The following FOXP1 variants were observed in gnomAD, a reference collection of about 807,000 sequenced individuals.
FOXP1 encodes the protein forkhead box P1.
FOXP1 carries 15 observed loss-of-function variants against 98.2 expected under a neutral mutation model. The ratio of observed to expected loss-of-function variants is 0.15; its 90% confidence interval spans 0.10 to 0.24. FOXP1 has a LOEUF of 0.24. Ranked by LOEUF, FOXP1 falls within the 10% of genes least tolerant of loss-of-function variation. The pLI, the probability that FOXP1 is intolerant of heterozygous loss-of-function variation, is 1.00. For synonymous variants in FOXP1, 371 were observed against 314.5 expected (o/e 1.18, Z -1.90); for missense variants, 633 against 848.5 (o/e 0.75, Z 3.15).
chr3:71,046,839 A>C (rs2106969890), intron 10 of FOXP1, 103 bp downstream of exon 10: 1 of 1,305,110 alleles, frequency 7.7e-7, no homozygotes, highest in East Asian at 2.3e-5. Context: ...ATCTATGTGC[A>C]TGTTTTGATG....
chr3:71,009,349 G>C (rs1025933651), intron 12 of FOXP1, among the ~76,000 whole-genome samples: 1 of 152,000 alleles, frequency 6.6e-6, no homozygotes, highest in African/African-American at 2.4e-5. Context: ...AGCCATACTC[G>C]TTCCTTGTTC....
At chr3:71,519,078 T>C (rs1290096615) in intron 2 of FOXP1, among the ~76,000 whole-genome samples, 1 of 152,184 alleles carries the variant, frequency 6.6e-6, no homozygotes, top group African/African-American at 2.4e-5. Context: ...AAACCCCATC[T>C]CTACTAAAAA....
intron 3 of FOXP1, among the ~76,000 whole-genome samples, chr3:71,452,110 C>T (rs997283536): frequency 2.6e-5 from 4 of 152,062 alleles, no homozygotes; most frequent in African/African-American, 4.8e-5. Flanking sequence ...TATTTACTGG[C>T]GACGTCTCTA....
At chr3:71,057,450 A>C (rs2107205455) in intron 7 of FOXP1, among the ~76,000 whole-genome samples, 1 of 149,188 alleles carries the variant, frequency 6.7e-6, no homozygotes, top group Non-Finnish European at 1.5e-5. Flanking sequence ...CTTTCTCAAA[A>C]GACGATTTAA....
chr3:71,320,506 C>T (rs1197374459), intron 4 of FOXP1, among the ~76,000 whole-genome samples: 1 of 152,062 alleles, frequency 6.6e-6, no homozygotes, highest in Non-Finnish European at 1.5e-5. Flanking sequence ...ATAACTCAGG[C>T]ACAAATACCA....
At chr3:71,559,075 C>G (rs2046357873) in intron 2 of FOXP1, among the ~76,000 whole-genome samples, 1 of 152,202 alleles carries the variant, frequency 6.6e-6, no homozygotes, top group South Asian at 2.1e-4. Flanking sequence ...AAGTGCCATT[C>G]TCACTCTTAA....
At chr3:71,385,426 T>G (rs2080494693) in intron 3 of FOXP1, among the ~76,000 whole-genome samples, 1 of 152,176 alleles carries the variant, frequency 6.6e-6, no homozygotes, top group African/African-American at 2.4e-5. Flanking sequence ...TAAACCCCAT[T>G]TTCCCTCTAC....
intron 3 of FOXP1, among the ~76,000 whole-genome samples, chr3:71,420,867 C>T (rs897930149): frequency 1.3e-5 from 2 of 152,016 alleles, no homozygotes; most frequent in Non-Finnish European, 2.9e-5. Context: ...CCACCATGCC[C>T]GGCTAATTTT....
At chr3:71,242,648 C>T (rs2067381794) in intron 5 of FOXP1, among the ~76,000 whole-genome samples, 2 of 151,964 alleles carry the variant, frequency 1.3e-5, no homozygotes, top group Admixed American at 6.6e-5. Context: ...AAAAGCTTTC[C>T]GCCTAAGATT....
intron 3 of FOXP1, among the ~76,000 whole-genome samples, chr3:71,485,146 G>A (rs888042071): frequency 6.6e-6 from 1 of 152,152 alleles, no homozygotes; most frequent in Admixed American, 6.5e-5. Context: ...GGGCCAGCAG[G>A]TGTTGGGTAG....
intron 4 of FOXP1, among the ~76,000 whole-genome samples, chr3:71,311,297 C>G (rs2074666016): frequency 6.6e-6 from 1 of 152,142 alleles, no homozygotes; most frequent in African/African-American, 2.4e-5. Context: ...ACTATGTTGC[C>G]CAGGCTGGTG....
At chr3:71,132,981 T>TA (rs5849991) in intron 6 of FOXP1, among the ~76,000 whole-genome samples, 120,535 of 147,586 alleles carry the variant, frequency 0.82, 51,884 homozygotes, top group South Asian at 0.97. Flanking sequence ...TCTCTAACCA[T>TA]AAAAAAAAAA....
chr3:71,519,542 T>A (rs1282003514), intron 2 of FOXP1, among the ~76,000 whole-genome samples: 7 of 152,314 alleles, frequency 4.6e-5, no homozygotes, highest in Admixed American at 4.6e-4. Context: ...AGGCCCCATC[T>A]CTACTCACCC....
chr3:71,066,360 C>T (rs1338930139), intron 7 of FOXP1, among the ~76,000 whole-genome samples: 1 of 152,226 alleles, frequency 6.6e-6, no homozygotes, highest in African/African-American at 2.4e-5. Flanking sequence ...GCGCAGATCG[C>T]TCTTCACCCT....
intron 5 of FOXP1, among the ~76,000 whole-genome samples, chr3:71,226,547 G>GTT (rs1270544531): frequency 8.3e-6 from 1 of 120,458 alleles, no homozygotes; most frequent in African/African-American, 2.6e-5. Context: ...GCTTCCCGGG[G>GTT]TTCTCTCTCT....
chr3:71,524,335 C>T (rs1027439918), intron 2 of FOXP1, among the ~76,000 whole-genome samples: 4 of 151,854 alleles, frequency 2.6e-5, no homozygotes, highest in African/African-American at 7.3e-5. Flanking sequence ...TGCACTCCAA[C>T]GTGGGTGCCA....
intron 5 of FOXP1, among the ~76,000 whole-genome samples, chr3:71,268,198 C>A (rs2069927737): frequency 6.8e-6 from 1 of 147,854 alleles, no homozygotes; most frequent in Non-Finnish European, 1.5e-5. Context: ...TCACGCCATT[C>A]TCCTGCCTCA....
intron 7 of FOXP1, among the ~76,000 whole-genome samples, chr3:71,091,180 C>T (rs2055797104): frequency 6.9e-6 from 1 of 144,788 alleles, no homozygotes; most frequent in East Asian, 2.2e-4. Flanking sequence ...GACATTTCTA[C>T]TTTATAGAAG....
chr3:71,007,612 GCCTCTTTGTCGAGGCTTT>G (rs1477390717), intron 12 of FOXP1, among the ~76,000 whole-genome samples: 1 of 152,142 alleles, frequency 6.6e-6, no homozygotes, highest in Non-Finnish European at 1.5e-5. Flanking sequence ...TTAAACAAAA[GCCTCTTTGTCGAGGCTTT>G]CTTGAAGTGT....
Sources: allele counts gnomAD v4.1 joint callset (sites outside exome capture counted in the v4.1 genomes callset), GRCh38; gene constraint gnomAD v4.1.1; transcripts MANE v1.5; gene names NCBI Gene and HGNC (gene_info 2026-07-23, HGNC 2026-07-21).